VCPIP1: variants seen among roughly 807,000 people sequenced by gnomAD.
The protein encoded by VCPIP1 is valosin containing protein interacting protein 1.
In VCPIP1, 8 loss-of-function variants were observed where a neutral mutation model predicts 85.0. The ratio of observed to expected loss-of-function variants is 0.09; its 90% CI spans 0.06 to 0.17. VCPIP1 has a LOEUF of 0.17. Ranked by LOEUF, VCPIP1 falls within the 10% of genes least tolerant of loss-of-function variation. The probability of loss-of-function intolerance (pLI) is 1.00; values close to 1 mark genes in which losing one functional copy is unlikely to be tolerated. For missense variants in VCPIP1, 1,070 were observed against 1,486.3 expected, an observed-to-expected ratio of 0.72 and a Z score of 4.61; for synonymous variants, 543 against 544.5, an observed-to-expected ratio of 1.00 and a Z score of 0.04.
In VCPIP1 at chr8:66,666,898, G is replaced by T; in HGVS notation, c.61C>A (p.Pro21Thr). ...LPPPPPPPEAPQTPSSLASAA... is the reference protein window; with the variant it reads ...LPPPPPPPEATQTPSSLASAA... The stretch of plus-strand genomic sequence containing the variant: ...GACGCCAAGGACGACGGAGTCTGTG[G>T]AGCCTCAGGGGGAGGAGGTGGCGGC... The change falls in exon 1 of 3, where the codon CCA becomes ACA. Residue 21 changes from proline (P) to threonine (T), a missense_variant. Transcript: ENST00000310421. The surrounding 1 kb of genome is among the most constrained non-coding windows in gnomAD (Gnocchi z 6.3). The T allele has an allele frequency of 6.2e-7, 1 of 1,607,942 alleles. No homozygotes were observed. The highest frequency in any genetic ancestry group is 8.5e-7 in the Non-Finnish European group (1 of 1,178,230).
intron 2 of VCPIP1, among the ~76,000 whole-genome samples, chr8:66,645,547 A>C (rs952538981): frequency 1.3e-5 from 2 of 152,196 alleles, no homozygotes; most frequent in Non-Finnish European, 2.9e-5. Context: ...TCACAGTATA[A>C]ATCTAACAAA....
At chr8:66,649,590 G>A (rs748551051) in intron 2 of VCPIP1, among the ~76,000 whole-genome samples, 2 of 152,088 alleles carry the variant, frequency 1.3e-5, no homozygotes, top group African/African-American at 2.4e-5. Context: ...TAAAGATGCC[G>A]GACACAAAAG....
intron 1 of VCPIP1, among the ~76,000 whole-genome samples, chr8:66,656,853 G>A (rs902114213): frequency 8.2e-5 from 12 of 145,808 alleles, no homozygotes; most frequent in East Asian, 7.8e-4. Context: ...CAGGCGATCC[G>A]CCCCCTCGGC....
chr8:66,660,884 AAT>A (rs1193176943), intron 1 of VCPIP1, among the ~76,000 whole-genome samples: 2 of 152,106 alleles, frequency 1.3e-5, no homozygotes, highest in African/African-American at 4.8e-5. Context: ...TCTCTATTAA[AAT>A]ACAAAAATTA....
rs766833549 is a variant in VCPIP1 at position 66,665,011 on chromosome 8, T to C, written c.1948A>G (p.Thr650Ala). 1.9e-6 allele frequency: 3 copies of C among 1,613,810 alleles called. No individual in the cohort carries two copies. Among genetic ancestry groups the C allele is most frequent in the Admixed American group, 1.7e-5 (1 of 59,954 alleles). The change falls in exon 1 of 3, where the codon ACT becomes GCT. Residue 650 changes from threonine to alanine, a missense_variant. Thr to Ala is a moderately conservative substitution (Grantham distance 58). Transcript: ENST00000310421. The surrounding 1 kb of genome is among the most constrained non-coding windows in gnomAD (Gnocchi z 4.3). ...TTTTTGGCAGTCTGATGCAATATAG[T>C]GTGGACAACTTTCTGAACTAGGATT... ...SEILVQKVVHTILHQTAKKNP... is the reference protein window; with the variant it reads ...SEILVQKVVHAILHQTAKKNP...
Position 66,664,293 on chromosome 8 carries a change from G to C in VCPIP1, c.2666C>G (p.Ala889Gly), listed in dbSNP as rs1199857104. 2 of 1,597,732 alleles carry C rather than the reference G, an allele frequency of 1.3e-6. No homozygotes were observed. Among genetic ancestry groups the C allele is most frequent in the African/African-American group, 1.3e-5 (1 of 74,132 alleles). The change falls in exon 1 of 3, where the codon GCT (alanine) becomes GGT (glycine). Residue 889 changes from alanine (A) to glycine (G), a missense_variant. Coordinates refer to ENST00000310421, the MANE Select transcript of VCPIP1 (RefSeq NM_025054.5). ...ACACAAGGAGTACATTTCTTTTTCA[G>C]CTTGCTCCTGAAGTTCCTTAGATGA... The part of the protein sequence containing the change: ...KLSSKELQEQ[A>G]EKEMYSLCLL...
At chr8:66,638,480 CAA>C (rs34135306) in intron 2 of VCPIP1, among the ~76,000 whole-genome samples, 8 of 118,742 alleles carry the variant, frequency 6.7e-5, no homozygotes, top group Admixed American at 8.8e-5. Context: ...AACCCCATCT[CAA>C]AAAAAAAAAA....
chr8:66,656,852 C>T (rs1040644763), intron 1 of VCPIP1, among the ~76,000 whole-genome samples: 16 of 145,196 alleles, frequency 1.1e-4, no homozygotes, highest in South Asian at 8.4e-4. Flanking sequence ...TCAGGCGATC[C>T]GCCCCCTCGG....
At position 66,630,793 on chromosome 8, in the gene VCPIP1, T is replaced by G. The variant is rs1389743046; in HGVS notation, c.*3708A>C. 6.6e-6 allele frequency: 1 copy of G among 152,580 alleles called. No individual in the cohort carries two copies. Among genetic ancestry groups the G allele is most frequent in the Non-Finnish European group, 1.5e-5 (1 of 67,988 alleles). 9.5% of individuals were successfully genotyped at this position (152,580 alleles called of 1,614,324 possible). A position where few individuals can be genotyped will look rare whatever the true frequency, so the allele number is the denominator to read the frequency against. On this transcript the variant is annotated 3_prime_UTR_variant, in exon 3 of 3. Transcript: ENST00000310421. Reference sequence around the variant, plus strand: ...ATCATTAAATATGAACTGAAACACTTAGCATCTCAAAGAATTATCAAGAAT... The same window carrying G: ...ATCATTAAATATGAACTGAAACACTGAGCATCTCAAAGAATTATCAAGAAT...
chr8:66,662,529 C>G (rs550683667), intron 1 of VCPIP1, among the ~76,000 whole-genome samples: 2 of 152,194 alleles, frequency 1.3e-5, no homozygotes, highest in South Asian at 4.2e-4. Context: ...TTTCAGAGTG[C>G]ATACTACCTG....
At chr8:66,660,462 C>T (rs1811144515) in intron 1 of VCPIP1, among the ~76,000 whole-genome samples, 1 of 152,138 alleles carries the variant, frequency 6.6e-6, no homozygotes, top group African/African-American at 2.4e-5. Context: ...TTTCTCAAAC[C>T]CTTACAGGGT....
At chr8:66,651,888 C>T (rs936646129) in intron 1 of VCPIP1, among the ~76,000 whole-genome samples, 1 of 151,942 alleles carries the variant, frequency 6.6e-6, no homozygotes, top group Non-Finnish European at 1.5e-5. Context: ...ATCTTTAGAA[C>T]TGCATGAGTC....
At position 66,666,743 on chromosome 8, in the gene VCPIP1, C is replaced by T. The variant is rs749104977; in HGVS notation, c.216G>A (p.Glu72=). The change falls in exon 1 of 3, where the codon GAG becomes GAA. Residue 72 remains glutamate, a synonymous_variant. Transcript: ENST00000310421. The surrounding 1 kb of genome is among the most constrained non-coding windows in gnomAD (Gnocchi z 6.3). ...GTTGCTGCTCGTGCCGCTGGCCGCA[C>T]TCGGTACACTCGATGCTGACAGAAC... ...ASGSVSIECT[E]CGQRHEQQQL... is the part of the protein sequence containing the mutation. The T allele has an allele frequency of 2.5e-6, 4 of 1,613,956 alleles. No homozygotes were observed. Among genetic ancestry groups the T allele is most frequent in the South Asian group, 1.1e-5 (1 of 91,076 alleles).
At chr8:66,657,076 T>C (rs1339991605) in intron 1 of VCPIP1, among the ~76,000 whole-genome samples, 1 of 152,146 alleles carries the variant, frequency 6.6e-6, no homozygotes, top group Non-Finnish European at 1.5e-5. Context: ...CGGCTAATTT[T>C]GTATTTCTAG....
intron 1 of VCPIP1, among the ~76,000 whole-genome samples, chr8:66,656,753 G>A (rs1056514715): frequency 1.3e-5 from 2 of 151,998 alleles, no homozygotes; most frequent in Non-Finnish European, 2.9e-5. Flanking sequence ...GGGACTACAG[G>A]CACAAACCAC....
intron 2 of VCPIP1, 87 bp from the exon 3 acceptor site, chr8:66,635,459 A>C: frequency 7.8e-7 from 1 of 1,289,040 alleles, no homozygotes; most frequent in African/African-American, 1.5e-5. Context: ...AAAATAATGA[A>C]TTTTAAATAA....
intron 2 of VCPIP1, among the ~76,000 whole-genome samples, chr8:66,643,863 T>A (rs1447390195): frequency 2.9e-5 from 3 of 104,888 alleles, no homozygotes; most frequent in African/African-American, 3.7e-5. Flanking sequence ...TTTGAAAAGA[T>A]CAACAGCCAG....
At chr8:66,658,337 GAAAAA>G (rs776440765) in intron 1 of VCPIP1, among the ~76,000 whole-genome samples, 1 of 110,262 alleles carries the variant, frequency 9.1e-6, no homozygotes, top group Non-Finnish European at 1.9e-5. Context: ...CCATCTTGGG[GAAAAA>G]AAAAAAAAAA....
chr8:66,656,370 T>C (rs1416328346), intron 1 of VCPIP1, among the ~76,000 whole-genome samples: 2 of 152,084 alleles, frequency 1.3e-5, no homozygotes, highest in Admixed American at 1.3e-4. Flanking sequence ...AGTTTATTTA[T>C]TTTTTGGAGA....
Sources: allele counts gnomAD v4.1 joint callset (sites outside exome capture counted in the v4.1 genomes callset), GRCh38; gene constraint gnomAD v4.1.1; non-coding constraint Gnocchi (gnomAD v3.1); transcripts MANE v1.5; gene names NCBI Gene and HGNC (gene_info 2026-07-23, HGNC 2026-07-21).